ST8SIA6: variants seen among roughly 807,000 people sequenced by gnomAD.
ST8SIA6 encodes ST8 alpha-N-acetyl-neuraminide alpha-2,8-sialyltransferase 6, also known as alpha-2,8-sialyltransferase 8F.
Under a neutral mutation model 33.6 loss-of-function variants are expected in ST8SIA6, and 39 were observed. The ratio of observed to expected loss-of-function variants is 1.16; its 90% CI spans 0.90 to 1.52. The LOEUF (loss-of-function observed/expected upper bound fraction) is 1.52. Among genes scored for constraint, ST8SIA6 ranks in the 40% most tolerant of loss-of-function variants. ST8SIA6 has a pLI of 0.00. For synonymous variants in ST8SIA6, 172 were observed against 167.2 expected (o/e 1.03, Z -0.22); for missense variants, 441 against 443.8 (o/e 0.99, Z 0.06).
At chr10:17,374,410 A>G (rs921992582) in intron 3 of ST8SIA6, among the ~76,000 whole-genome samples, 4 of 151,804 alleles carry the variant, frequency 2.6e-5, no homozygotes, top group Non-Finnish European at 4.4e-5. Context: ...GGCTTCTATC[A>G]TACTCTCAAT....
At chr10:17,428,956 T>C (rs1852018272) in intron 2 of ST8SIA6, among the ~76,000 whole-genome samples, 2 of 152,160 alleles carry the variant, frequency 1.3e-5, no homozygotes, top group African/African-American at 2.4e-5. Context: ...CAACATGTTA[T>C]GTGGCTTTTG....
chr10:17,415,234 C>T (rs1424625161), intron 2 of ST8SIA6, among the ~76,000 whole-genome samples: 1 of 152,122 alleles, frequency 6.6e-6, no homozygotes, highest in Non-Finnish European at 1.5e-5. Flanking sequence ...AAAATGAAAG[C>T]CCAAAATATG....
chr10:17,390,401 C>G (rs1232597682), intron 3 of ST8SIA6, 130 bp downstream of exon 3: 1 of 742,428 alleles, frequency 1.3e-6, no homozygotes, highest in Non-Finnish European at 2.2e-6. Context: ...TTAACAGGAG[C>G]TTCAGAGCCC....
intron 2 of ST8SIA6, among the ~76,000 whole-genome samples, chr10:17,419,611 A>G (rs1490572294): frequency 6.6e-6 from 1 of 152,224 alleles, no homozygotes; most frequent in African/African-American, 2.4e-5. Flanking sequence ...TTATGGCTAG[A>G]TGTTTCCAAT....
At chr10:17,336,006 A>T (rs1848487636) in intron 4 of ST8SIA6, among the ~76,000 whole-genome samples, 1 of 151,058 alleles carries the variant, frequency 6.6e-6, no homozygotes, top group South Asian at 2.1e-4. Context: ...CCCTGGCTGG[A>T]GTGCAGTGGT....
Position 17,318,611 on chromosome 10 carries a change from T to G in ST8SIA6, c.*2267A>C, listed in dbSNP as rs1470378. The G allele has an allele frequency of 9.7e-3, 4,480 of 461,240 alleles. 171 individuals carry two copies. The highest frequency in any genetic ancestry group is 0.082 in the African/African-American group (4,064 of 49,490). The allele number at this position is 461,240 out of a possible 1,614,324, so 28.6% of individuals were successfully genotyped here. On this transcript the variant is annotated 3_prime_UTR_variant, in exon 8 of 8. Transcript: ENST00000377602. Reference sequence around the variant, plus strand: ...TTTAAGAGCAGAAGATCACATTAGATCTAACAATATTTAAGCAATGCTGAT... The same window carrying G: ...TTTAAGAGCAGAAGATCACATTAGAGCTAACAATATTTAAGCAATGCTGAT...
chr10:17,374,747 TA>T lies in ST8SIA6; in HGVS notation c.291-15148del, dbSNP rs1236129508. Among the ~76,000 whole-genome samples the T allele has an allele frequency of 1.3e-3, 119 of 89,778 alleles. 2 individuals carry two copies. Among genetic ancestry groups the T allele is most frequent in the African/African-American group, 4.4e-3 (114 of 26,172 alleles). 58.9% of individuals were successfully genotyped at this position (89,778 alleles called of 152,430 possible). A position where few individuals can be genotyped will look rare whatever the true frequency, so the allele number is the denominator to read the frequency against. ...ATAAATAAATAAATAAATAAATAAATAATAAATATATATATATATATTTAGC... is the reference window on the plus strand; with the variant it reads ...ATAAATAAATAAATAAATAAATAAATATAAATATATATATATATATTTAGC... On this transcript the variant is annotated intron_variant, in intron 3 of 7. Coordinates refer to ENST00000377602, the MANE Select transcript of ST8SIA6 (RefSeq NM_001004470.3).
intron 2 of ST8SIA6, among the ~76,000 whole-genome samples, chr10:17,449,789 G>A (rs1276108448): frequency 6.6e-6 from 1 of 152,212 alleles, no homozygotes; most frequent in African/African-American, 2.4e-5. Context: ...AACTGAGTCA[G>A]TAGGAGCAGA....
At chr10:17,403,134 G>T (rs45576833) in intron 2 of ST8SIA6, among the ~76,000 whole-genome samples, 1 of 152,072 alleles carries the variant, frequency 6.6e-6, no homozygotes, top group Non-Finnish European at 1.5e-5. Flanking sequence ...CCCCAAACAG[G>T]GAAACAGATG....
chr10:17,321,500 T>C (rs901655618), intron 7 of ST8SIA6, among the ~76,000 whole-genome samples, 154 bp from the exon 8 acceptor site: 4 of 152,186 alleles, frequency 2.6e-5, no homozygotes, highest in African/African-American at 9.6e-5. Context: ...AGAAAACTCA[T>C]TCAAGTAAGC....
chr10:17,451,059 G>T (rs542397636), intron 2 of ST8SIA6, among the ~76,000 whole-genome samples: 1 of 152,092 alleles, frequency 6.6e-6, no homozygotes, highest in Non-Finnish European at 1.5e-5. Context: ...TTGTTGCTTC[G>T]ATTTGCCCCT....
intron 5 of ST8SIA6, among the ~76,000 whole-genome samples, chr10:17,330,067 T>G (rs757317428): frequency 6.6e-6 from 1 of 152,200 alleles, no homozygotes; most frequent in Non-Finnish European, 1.5e-5. Context: ...AGGAGAAGGC[T>G]GGAGCAACAC....
chr10:17,370,135 C>T (rs1266708544), intron 3 of ST8SIA6, among the ~76,000 whole-genome samples: 1 of 152,078 alleles, frequency 6.6e-6, no homozygotes, highest in East Asian at 1.9e-4. Context: ...CGCCCGCCAC[C>T]ACACCTGGCT....
At chr10:17,368,023 A>T (rs1010166757) in intron 3 of ST8SIA6, among the ~76,000 whole-genome samples, 6 of 152,182 alleles carry the variant, frequency 3.9e-5, no homozygotes, top group Admixed American at 3.9e-4. Flanking sequence ...TCATATATTT[A>T]TTGAAAAAAT....
intron 2 of ST8SIA6, among the ~76,000 whole-genome samples, chr10:17,434,317 C>T (rs1399001652): frequency 6.6e-6 from 1 of 152,154 alleles, no homozygotes; most frequent in Non-Finnish European, 1.5e-5. Context: ...GGACCTAGCA[C>T]CTGCCTTCCT....
At chr10:17,422,326 T>G (rs906069270) in intron 2 of ST8SIA6, among the ~76,000 whole-genome samples, 1 of 152,234 alleles carries the variant, frequency 6.6e-6, no homozygotes, top group Non-Finnish European at 1.5e-5. Context: ...CATTTTTGCC[T>G]GAAGCACCTC....
chr10:17,410,219 C>G (rs1588899343), intron 2 of ST8SIA6: 1 of 152,102 alleles, frequency 6.6e-6, no homozygotes, highest in African/African-American at 2.4e-5. Flanking sequence ...AAATCATGCC[C>G]AAACATTTGC....
At chr10:17,360,358 T>G (rs1849340864) in intron 3 of ST8SIA6, among the ~76,000 whole-genome samples, 1 of 152,140 alleles carries the variant, frequency 6.6e-6, no homozygotes, top group South Asian at 2.1e-4. Context: ...TGAGATAGAA[T>G]ATATGTTGAA....
chr10:17,380,247 C>T (rs1345169171), intron 3 of ST8SIA6, among the ~76,000 whole-genome samples: 1 of 152,144 alleles, frequency 6.6e-6, no homozygotes, highest in Non-Finnish European at 1.5e-5. Context: ...TGGTAGAGAG[C>T]AGTCTACAGC....
Sources: gnomAD v4.1 joint callset for allele counts (sites outside exome capture counted in the v4.1 genomes callset) on GRCh38, gnomAD v4.1.1 for gene constraint, MANE v1.5 for transcripts, NCBI Gene and HGNC (gene_info 2026-07-23, HGNC 2026-07-21) for gene names.